KHDRBS3: variants seen among roughly 807,000 people sequenced by gnomAD.
KHDRBS3 encodes the protein KH domain-containing, RNA-binding, signal transduction-associated protein 3.
A neutral mutation model predicts 45.6 loss-of-function variants in KHDRBS3; 23 were observed. That is an observed-to-expected ratio of 0.50 (90% CI 0.36 to 0.72). The LOEUF is 0.72. Ranked by LOEUF, KHDRBS3 falls within the 30% of genes least tolerant of loss-of-function variation. The pLI is 0.00. For missense variants in KHDRBS3, 352 were observed against 424.8 expected, an observed-to-expected ratio of 0.83 and a Z score of 1.51; for synonymous variants, 162 against 156.5, an observed-to-expected ratio of 1.04 and a Z score of -0.26.
chr8:135,634,565 T>C (rs1210089379), intron 7 of KHDRBS3, among the ~76,000 whole-genome samples: 2 of 152,270 alleles, frequency 1.3e-5, no homozygotes, highest in Admixed American at 1.3e-4. Context: ...AGTTTGTTTC[T>C]CTTTTCTTAT....
intron 1 of KHDRBS3, among the ~76,000 whole-genome samples, chr8:135,514,969 A>G (rs1249861590): frequency 6.6e-6 from 1 of 152,152 alleles, no homozygotes; most frequent in Non-Finnish European, 1.5e-5. Flanking sequence ...TGACCCCTAA[A>G]ATAATTTTCA....
chr8:135,578,038 T>G (rs1345758343), intron 5 of KHDRBS3, among the ~76,000 whole-genome samples: 1 of 152,170 alleles, frequency 6.6e-6, no homozygotes, highest in African/African-American at 2.4e-5. Flanking sequence ...TCTTCTTTGG[T>G]GAGTTGTCTG....
At chr8:135,458,874 C>T (rs776805892) in intron 1 of KHDRBS3, 2 of 456,252 alleles carry the variant, frequency 4.4e-6, no homozygotes, top group South Asian at 3.1e-5. Context: ...TGGCTTTTTC[C>T]TCCTGTGGCT....
At chr8:135,590,218 G>A (rs1828683810) in intron 6 of KHDRBS3, among the ~76,000 whole-genome samples, 1 of 152,188 alleles carries the variant, frequency 6.6e-6, no homozygotes, top group Non-Finnish European at 1.5e-5. Context: ...ATCTGTGTCT[G>A]TAAACGTGTC....
At chr8:135,480,062 C>T (rs1249598641) in intron 1 of KHDRBS3, among the ~76,000 whole-genome samples, 1 of 152,084 alleles carries the variant, frequency 6.6e-6, no homozygotes, top group African/African-American at 2.4e-5. Flanking sequence ...GGACACAAAC[C>T]TCATAATCAT....
chr8:135,466,999 T>G (rs1821729803), intron 1 of KHDRBS3, among the ~76,000 whole-genome samples: 1 of 152,238 alleles, frequency 6.6e-6, no homozygotes, highest in African/African-American at 2.4e-5. Flanking sequence ...TTGGATTGTT[T>G]GTAACAGAAA....
chr8:135,573,017 A>G (rs915149308), intron 5 of KHDRBS3, among the ~76,000 whole-genome samples: 1 of 152,202 alleles, frequency 6.6e-6, no homozygotes, highest in Non-Finnish European at 1.5e-5. Flanking sequence ...TCAGGTGCTT[A>G]TTGTATCAGG....
chr8:135,582,114 G>T, intron 6 of KHDRBS3, 41 bp downstream of exon 6: 1 of 1,473,526 alleles, frequency 6.8e-7, no homozygotes, highest in South Asian at 1.5e-5. Flanking sequence ...TCATCAGATT[G>T]ACTTAATCCA....
At chr8:135,469,560 G>C (rs528758285) in intron 1 of KHDRBS3, among the ~76,000 whole-genome samples, 1 of 120,840 alleles carries the variant, frequency 8.3e-6, no homozygotes, top group African/African-American at 3.2e-5. Flanking sequence ...GACGAGTCTC[G>C]CTTCTTCACC....
intron 7 of KHDRBS3, among the ~76,000 whole-genome samples, chr8:135,627,937 G>A (rs898954385): frequency 6.6e-5 from 10 of 152,064 alleles, no homozygotes; most frequent in African/African-American, 2.2e-4. Context: ...CTTGGCATTC[G>A]GAGTAACTAG....
chr8:135,509,929 A>G (rs987405174), intron 1 of KHDRBS3, among the ~76,000 whole-genome samples: 1 of 148,470 alleles, frequency 6.7e-6, no homozygotes, highest in Non-Finnish European at 1.5e-5. Flanking sequence ...GATAAGAGCT[A>G]TTGAGAGATA....
intron 7 of KHDRBS3, among the ~76,000 whole-genome samples, chr8:135,611,309 A>G (rs1829696132): frequency 6.6e-6 from 1 of 151,958 alleles, no homozygotes; most frequent in Non-Finnish European, 1.5e-5. Flanking sequence ...ACAATTAGAT[A>G]ACTTGCTTCA....
At chr8:135,493,157 A>G (rs1056441373) in intron 1 of KHDRBS3, among the ~76,000 whole-genome samples, 5 of 151,804 alleles carry the variant, frequency 3.3e-5, no homozygotes, top group Non-Finnish European at 7.4e-5. Flanking sequence ...GGCTCACTGC[A>G]AGCTCCGCCT....
At chr8:135,579,981 CCCCCTCAGACCACAT>C (rs1828125392) in intron 5 of KHDRBS3, among the ~76,000 whole-genome samples, 1 of 152,174 alleles carries the variant, frequency 6.6e-6, no homozygotes, top group South Asian at 2.1e-4. Flanking sequence ...TGTTCTTGTT[CCCCCTCAGACCACAT>C]CTCATTCTAA....
At chr8:135,579,803 G>A (rs778605239) in intron 5 of KHDRBS3, among the ~76,000 whole-genome samples, 1 of 152,158 alleles carries the variant, frequency 6.6e-6, no homozygotes, top group Non-Finnish European at 1.5e-5. Flanking sequence ...TCAACCTTAT[G>A]TACCTGGAAT....
At chr8:135,466,393 A>C (rs904753802) in intron 1 of KHDRBS3, among the ~76,000 whole-genome samples, 7 of 152,206 alleles carry the variant, frequency 4.6e-5, no homozygotes, top group Admixed American at 1.3e-4. Flanking sequence ...TCGAGGTCAC[A>C]AAGCTAACTT....
chr8:135,465,522 T>G (rs923505938), intron 1 of KHDRBS3, among the ~76,000 whole-genome samples: 13 of 152,238 alleles, frequency 8.5e-5, no homozygotes, highest in Non-Finnish European at 1.9e-4. Context: ...TTTAGGAAGC[T>G]TCTTTCATTA....
chr8:135,636,756 G>A (rs929870087), intron 7 of KHDRBS3, among the ~76,000 whole-genome samples: 1 of 152,170 alleles, frequency 6.6e-6, no homozygotes, highest in Non-Finnish European at 1.5e-5. Context: ...GCGGTCACAT[G>A]GACAGCAGTC....
intron 7 of KHDRBS3, among the ~76,000 whole-genome samples, chr8:135,633,156 G>T (rs1337507268): frequency 6.6e-6 from 1 of 152,156 alleles, no homozygotes; most frequent in Non-Finnish European, 1.5e-5. Flanking sequence ...TAGTGAATTT[G>T]TGTTGTTTAT....
Sources: gnomAD v4.1 joint callset for allele counts (sites outside exome capture counted in the v4.1 genomes callset) on GRCh38, gnomAD v4.1.1 for gene constraint, MANE v1.5 for transcripts, NCBI Gene and HGNC (gene_info 2026-07-23, HGNC 2026-07-21) for gene names.